NBPF26: variants seen among roughly 807,000 people sequenced by gnomAD.
NBPF26 encodes NBPF member 26, also known as NBPF family member NBPF26.
In NBPF26, 79 loss-of-function variants were observed where a neutral mutation model predicts 119.6. The ratio of observed to expected loss-of-function variants is 0.66; its 90% CI spans 0.55 to 0.80. The LOEUF is 0.80. NBPF26 is among the 30% of genes least tolerant of loss of function. The probability of loss-of-function intolerance (pLI) is 0.00; values close to 1 mark genes in which losing one functional copy is unlikely to be tolerated. For synonymous variants in NBPF26, 299 were observed against 457.7 expected, an observed-to-expected ratio of 0.65 and a Z score of 4.43; for missense variants, 800 against 1,198.2, an observed-to-expected ratio of 0.67 and a Z score of 4.91.
At chr1:120,790,037 G>A (rs1235797089) in intron 3 of NBPF26, among the ~76,000 whole-genome samples, 1 of 43,598 alleles carries the variant, frequency 2.3e-5, no homozygotes, top group Non-Finnish European at 3.6e-5. Context: ...TTTTTTTTGA[G>A]ATGGAGTATT....
chr1:120,836,395 C>G, intron 24 of NBPF26, 122 bp from the exon 31 acceptor site: 5 of 11,312 alleles, frequency 4.4e-4, no homozygotes, highest in South Asian at 2.4e-3. Context: ...AAGAATATCT[C>G]TCACAGTGTC....
intron 4 of NBPF26, among the ~76,000 whole-genome samples, chr1:120,796,999 A>AT (rs1360705582): frequency 1.1e-4 from 1 of 9,228 alleles, no homozygotes; most frequent in Non-Finnish European, 1.7e-4. Context: ...TTAATTTACA[A>AT]TTTTTTCCCT....
rs1553273410 is a variant in NBPF26 at position 120,840,357 on chromosome 1, A to G, written c.4111A>G (p.Ser1371Gly). 6.1e-3 allele frequency: 8,698 copies of G among 1,425,410 alleles called. 2,756 individuals carry two copies. The African/African-American group carries it at 0.065, about 11-fold the overall frequency. 88.3% of individuals were successfully genotyped at this position (1,425,410 alleles called of 1,614,324 possible). A position where few individuals can be genotyped will look rare whatever the true frequency, so the allele number is the denominator to read the frequency against. The change falls in exon 30 of 30, where the codon AGC becomes GGC. Residue 1371 changes from serine to glycine, a missense_variant. By Grantham distance (56) the Ser-to-Gly change is moderately conservative. This residue lies in a region of NBPF26 where 155 missense variants were observed against 95.9 expected (regional missense o/e 1.62). Coordinates refer to ENST00000620612, the Ensembl canonical transcript of NBPF26. ...TTTTGTCTCCTTTTGCAGGCTCAAC[A>G]GCATGCTGATGGAAGTGGAAGAGCC... is the stretch of plus-strand genomic sequence containing the variant.
At chr1:120,822,146 C>T in exon 16 of NBPF26, 1 of 1,331,762 alleles carries the variant, frequency 7.5e-7, no homozygotes, top group South Asian at 1.2e-5. Flanking sequence ...CCCAGGAGTC[C>T]TGGGATGAAG....
At chr1:120,801,257 G>A (rs1651577785) in intron 4 of NBPF26, among the ~76,000 whole-genome samples, 1 of 111,766 alleles carries the variant, frequency 8.9e-6, no homozygotes, top group Non-Finnish European at 1.8e-5. Flanking sequence ...TATAGAGAAA[G>A]TAGATTAGTG....
chr1:120,761,971 GCCTCT>G (rs1651140053), intron 1 of NBPF26, among the ~76,000 whole-genome samples: 2 of 91,986 alleles, frequency 2.2e-5, no homozygotes, highest in Non-Finnish European at 3.9e-5. Context: ...ATTCTCTCTG[GCCTCT>G]ACTATTGGTA....
intron 21 of NBPF26, among the ~76,000 whole-genome samples, 193 bp from the exon 26 acceptor site, chr1:120,831,789 GTCTATC>G (rs1226187626): frequency 3.9e-4 from 8 of 20,284 alleles, no homozygotes; most frequent in African/African-American, 8.6e-4. Flanking sequence ...GTGTGTGTGT[GTCTATC>G]TGTCTTTCTC....
intron 4 of NBPF26, among the ~76,000 whole-genome samples, chr1:120,802,909 G>T (rs1651598618): frequency 1.2e-5 from 1 of 86,104 alleles, no homozygotes; most frequent in Non-Finnish European, 2.1e-5. Context: ...TCTACAGTGT[G>T]GGTTGCCTTT....
rs1235140869 is a variant in NBPF26, at chr1:120,724,486, A to T, written c.73+236A>T. ...CTCCCCGCGGCCCGGGACCCCTCAC[A>T]CGCCTCCTCGGCAGGAGGGAGGCCG... On this transcript the variant is annotated intron_variant, in intron 1 of 29. Coordinates refer to ENST00000620612, the Ensembl canonical transcript of NBPF26. 4.1e-5 allele frequency among the ~76,000 whole-genome samples: 5 copies of T among 120,798 alleles called. 2 individuals are homozygous for T. The highest frequency in any genetic ancestry group is 7.7e-5 in the Admixed American group (1 of 12,962). The allele number at this position is 120,798 out of a possible 152,430, so 79.2% of individuals were successfully genotyped here.
At position 120,792,636 on chromosome 1, in the gene NBPF26, G is replaced by A. The variant is rs1651504742; in HGVS notation, c.416-525G>A. ...TCTGCCTCAGCCTTCCAAGTAGCTG[G>A]GATTACAGGTGCGCGCCACCATGCC... On this transcript the variant is annotated intron_variant, in intron 3 of 29. Transcript: ENST00000620612. 1.9e-5 allele frequency among the ~76,000 whole-genome samples: 2 copies of A among 106,970 alleles called. 1 individual carries two copies. The highest frequency in any genetic ancestry group is 5.4e-4 in the South Asian group (2 of 3,730). 70.2% of individuals were successfully genotyped at this position (106,970 alleles called of 152,430 possible).
At chr1:120,726,793 G>A in intron 1 of NBPF26, among the ~76,000 whole-genome samples, 1 of 112,114 alleles carries the variant, frequency 8.9e-6, no homozygotes, top group Non-Finnish European at 1.7e-5. Context: ...GTGATTCCTA[G>A]TCTCTCTTAT....
chr1:120,817,296 T>C (rs1431375084), intron 14 of NBPF26, among the ~76,000 whole-genome samples: 1 of 110,868 alleles, frequency 9.0e-6, no homozygotes, highest in Non-Finnish European at 1.7e-5. Context: ...CACCCTGAAA[T>C]CAGGACAGAA....
exon 14 of NBPF26, chr1:120,816,778 T>G (rs1166714202): frequency 2.1e-6 from 3 of 1,421,468 alleles, no homozygotes; most frequent in African/African-American, 5.6e-5. Flanking sequence ...CAACTCTCAT[T>G]GGCTCATCCT....
At position 120,823,517 on chromosome 1, in the gene NBPF26, C is replaced by A. The variant is rs1302607451; in HGVS notation, c.2639+157C>A. On this transcript the variant is annotated intron_variant, in intron 17 of 29. Transcript: ENST00000620612. Reference sequence around the variant, plus strand: ...CTTTTTGGTTCTCATTAGAGTAAATCTTTAGGTTTCCATTTCTTCCTACCC... The same window carrying A: ...CTTTTTGGTTCTCATTAGAGTAAATATTTAGGTTTCCATTTCTTCCTACCC... 2.9e-5 allele frequency among the ~76,000 whole-genome samples: 3 copies of A among 103,628 alleles called. 1 individual carries two copies. Among genetic ancestry groups the A allele is most frequent in the Admixed American group, 1.8e-4 (2 of 10,852 alleles). 68.0% of individuals were successfully genotyped at this position (103,628 alleles called of 152,430 possible).
chr1:120,793,038 T>A (rs1302455452), intron 3 of NBPF26, 123 bp from the exon 4 acceptor site: 1 of 564,462 alleles, frequency 1.8e-6, no homozygotes, highest in Non-Finnish European at 3.0e-6. Flanking sequence ...ATTTAGCCTT[T>A]TGTAAAATGC....
rs1354378015 is a variant in NBPF26 at position 120,777,557 on chromosome 1, G to A, written c.156-7417G>A. On this transcript the variant is annotated intron_variant, in intron 2 of 29. Coordinates refer to ENST00000620612, the Ensembl canonical transcript of NBPF26. ...CTAGAAAGTGTGTTTTACCACAAGC[G>A]TCCCAGTTCTGGACACCAATCTATA... Among the ~76,000 whole-genome samples the A allele has an allele frequency of 7.6e-5, 8 of 104,850 alleles. 2 individuals carry two copies. The highest frequency in any genetic ancestry group is 2.8e-4 in the Admixed American group (3 of 10,878). The allele number at this position is 104,850 out of a possible 152,430, so 68.8% of individuals were successfully genotyped here.
Position 120,804,691 on chromosome 1 carries a change from C to T in NBPF26, c.752-865C>T, listed in dbSNP as rs1186035474. ...TAGTGCTCAGTGACATTAAAAAACACATCAACCCACATAGAGGAAGAGCTT... is the reference window on the plus strand; with the variant it reads ...TAGTGCTCAGTGACATTAAAAAACATATCAACCCACATAGAGGAAGAGCTT... On this transcript the variant is annotated intron_variant, in intron 4 of 29. Transcript: ENST00000620612. Among the ~76,000 whole-genome samples the T allele has an allele frequency of 3.4e-5, 4 of 117,506 alleles. 1 individual carries two copies. The highest frequency in any genetic ancestry group is 6.6e-5 in the Non-Finnish European group (4 of 60,952). The allele number at this position is 117,506 out of a possible 152,430, so 77.1% of individuals were successfully genotyped here. A position where few individuals can be genotyped will look rare whatever the true frequency, so the allele number is the denominator to read the frequency against.
chr1:120,806,887 G>A lies in NBPF26; in HGVS notation c.962-720G>A, dbSNP rs2101493344. On this transcript the variant is annotated intron_variant, in intron 5 of 29. Coordinates refer to ENST00000620612, the Ensembl canonical transcript of NBPF26. ...AAATTGCTGCAATGAATTACATGAGGTATTTCCTGTCAATCTCCTTGAACA... is the reference window on the plus strand; with the variant it reads ...AAATTGCTGCAATGAATTACATGAGATATTTCCTGTCAATCTCCTTGAACA... Among the ~76,000 whole-genome samples, 4 of 124,264 alleles carry A rather than the reference G, an allele frequency of 3.2e-5. 1 individual carries two copies. Among genetic ancestry groups the A allele is most frequent in the African/African-American group, 1.5e-4 (4 of 26,160 alleles). The allele number at this position is 124,264 out of a possible 152,430, so 81.5% of individuals were successfully genotyped here.
At chr1:120,840,794 G>A (rs1313018867), downstream of NBPF26, 42 of 658,604 alleles carry the variant, frequency 6.4e-5, 13 homozygotes, top group African/African-American at 4.1e-4. Flanking sequence ...GGTGTGACAC[G>A]TTCACATAAC....
Sources: gnomAD v4.1 joint callset for allele counts (sites outside exome capture counted in the v4.1 genomes callset) on GRCh38, gnomAD v4.1.1 for gene constraint, gnomAD v4.1.1 regional missense constraint, MANE v1.5 for transcripts, NCBI Gene and HGNC (gene_info 2026-07-23, HGNC 2026-07-21) for gene names.